The following ZNF101 variants were observed in gnomAD, a reference collection of about 807,000 sequenced individuals.
ZNF101 encodes zinc finger protein 101 (Y2).
In ZNF101, 34 loss-of-function variants were observed where a neutral mutation model predicts 42.6. The ratio of observed to expected loss-of-function variants is 0.80; its 90% CI spans 0.61 to 1.06. ZNF101 has a LOEUF of 1.06. Among genes scored for constraint, ZNF101 ranks in the 50% least tolerant of loss-of-function variants. The pLI, the probability that ZNF101 is intolerant of heterozygous loss-of-function variation, is 0.00. For missense variants in ZNF101, 466 were observed against 530.9 expected (o/e 0.88, Z 1.20); for synonymous variants, 158 against 183.9 (o/e 0.86, Z 1.14).
At chr19:19,677,805 G>A in intron 1 of ZNF101, 59 bp from the exon 2 acceptor site, 1 of 1,588,984 alleles carries the variant, frequency 6.3e-7, no homozygotes, top group Non-Finnish European at 8.6e-7. Context: ...CATGTATTGA[G>A]TAGAGATCCC....
chr19:19,671,817 C>T (rs1197576853), intron 1 of ZNF101, among the ~76,000 whole-genome samples: 2 of 151,936 alleles, frequency 1.3e-5, no homozygotes, highest in African/African-American at 2.4e-5. Context: ...TCAACGTATG[C>T]TTTTTACATC....
chr19:19,668,721 G>T, upstream of ZNF101: 1 of 485,380 alleles, frequency 2.1e-6, no homozygotes, highest in Non-Finnish European at 3.7e-6. Flanking sequence ...AGCCCCAGGG[G>T]CGGGACCTGG....
At chr19:19,679,123 A>T in intron 3 of ZNF101, 58 bp from the exon 4 acceptor site, 1 of 1,568,734 alleles carries the variant, frequency 6.4e-7, no homozygotes, top group Non-Finnish European at 8.6e-7. Flanking sequence ...AGACATGTCA[A>T]TTAGTAGAAA....
In ZNF101 at chr19:19,677,946, A is replaced by G. The variant is rs778086237; in HGVS notation, c.86A>G (p.Tyr29Cys). ...CTGAGTCCTTCCCAGAAGAATCTCT[A>G]CAGAGATGTGACGCTGGAAACCTTC... ...ALLSPSQKNL[Y>C]RDVTLETFRN... The change falls in exon 2 of 4, where the codon TAC (tyrosine) becomes TGC (cysteine). Residue 29 changes from tyrosine (Y) to cysteine (C), a missense_variant. Coordinates refer to ENST00000592502, the MANE Select transcript of ZNF101 (RefSeq NM_033204.4). 1.7e-5 allele frequency: 28 copies of G among 1,612,398 alleles called. 1 individual carries two copies. Among genetic ancestry groups the G allele is most frequent in the South Asian group, 1.6e-4 (15 of 91,060 alleles).
rs569973518 is a variant in ZNF101 at position 19,680,269 on chromosome 19, G to A, written c.1280G>A (p.Arg427Lys). Residue 427 changes from arginine (R) to lysine (K), a missense_variant, in exon 4 of 4, where the codon AGG becomes AAG. Coordinates refer to ENST00000592502, the MANE Select transcript of ZNF101 (RefSeq NM_033204.4). Reference protein sequence around the residue: ...LAGRSQCFGRRQGDHLSPGV With the variant: ...LAGRSQCFGRKQGDHLSPGV ...GGGCGTAGCCAGTGCTTTGGCAGGAGGCAGGGGGATCACCTGAGCCCAGGA... is the reference window on the plus strand; with the variant it reads ...GGGCGTAGCCAGTGCTTTGGCAGGAAGCAGGGGGATCACCTGAGCCCAGGA... 1 of 1,532,582 alleles carries A rather than the reference G, an allele frequency of 6.5e-7. No individual in the cohort carries two copies. Among genetic ancestry groups the A allele is most frequent in the South Asian group, 1.3e-5 (1 of 75,680 alleles). 94.9% of individuals were successfully genotyped at this position (1,532,582 alleles called of 1,614,324 possible).
chr19:19,673,678 C>T (rs1378951172), intron 1 of ZNF101, among the ~76,000 whole-genome samples: 10 of 140,046 alleles, frequency 7.1e-5, no homozygotes, highest in African/African-American at 1.1e-4. Context: ...AATTTCTAAG[C>T]GTTCAATTCT....
intron 1 of ZNF101, among the ~76,000 whole-genome samples, chr19:19,670,949 C>CA (rs1395314172): frequency 3.9e-5 from 6 of 152,000 alleles, no homozygotes; most frequent in Admixed American, 2.0e-4. Context: ...ACTAAAAATA[C>CA]AAAAAAATTA....
intron 1 of ZNF101, among the ~76,000 whole-genome samples, chr19:19,673,001 G>A (rs189481215): frequency 1.3e-5 from 2 of 151,970 alleles, no homozygotes; most frequent in East Asian, 3.9e-4. Context: ...CTGGAATGCA[G>A]TGGCACGGTC....
chr19:19,679,580 T>A lies in ZNF101; in HGVS notation c.591T>A (p.Tyr197Ter). The A allele has an allele frequency of 6.2e-7, 1 of 1,614,112 alleles. No individual in the cohort carries two copies. Among genetic ancestry groups the A allele is most frequent in the Non-Finnish European group, 8.5e-7 (1 of 1,180,022 alleles). ...GAACTCACACTGGAAAGAGGTCCTA[T>A]AAATGTAGGGAAATAGTGAGAGCCT... is the stretch of plus-strand genomic sequence containing the variant. Reference protein sequence around the residue: ...HQRTHTGKRSYKCREIVRAFT... With the variant: ...HQRTHTGKRS Residue 197 changes from tyrosine (Y) to a stop codon, truncating the protein, a stop_gained, in exon 4 of 4, where the codon TAT becomes TAA. Coordinates refer to ENST00000592502, the MANE Select transcript of ZNF101 (RefSeq NM_033204.4). LOFTEE classifies it high-confidence loss of function.
At chr19:19,673,248 C>CTTTTTTT (rs34694853) in intron 1 of ZNF101, among the ~76,000 whole-genome samples, 6 of 116,142 alleles carry the variant, frequency 5.2e-5, no homozygotes, top group Non-Finnish European at 5.2e-5. Flanking sequence ...AATGTGCTGG[C>CTTTTTTT]TTTTTTTTTT....
chr19:19,677,838 T>G, intron 1 of ZNF101, 26 bp from the exon 2 acceptor site: 1 of 1,606,044 alleles, frequency 6.2e-7, no homozygotes, highest in Non-Finnish European at 8.5e-7. Flanking sequence ...TCACCCCTCC[T>G]CCTCCACACC....
chr19:19,678,048 G>C, intron 2 of ZNF101, 58 bp downstream of exon 2: 1 of 1,583,716 alleles, frequency 6.3e-7, no homozygotes, highest in Middle Eastern at 1.7e-4. Context: ...TTGGTCACCA[G>C]TGTGGTTGCA....
intron 1 of ZNF101, among the ~76,000 whole-genome samples, chr19:19,673,547 C>T (rs2062183986): frequency 6.6e-6 from 1 of 151,860 alleles, no homozygotes; most frequent in Admixed American, 6.6e-5. Flanking sequence ...CGCACCTGGC[C>T]AAATAATGTA....
At chr19:19,668,770 C>T, upstream of ZNF101, 1 of 628,898 alleles carries the variant, frequency 1.6e-6, no homozygotes, top group Non-Finnish European at 2.6e-6. Flanking sequence ...GCAAACTGTC[C>T]AATCAGGTGC....
rs767975749 is a variant in ZNF101, at chr19:19,680,345, G to A, written c.*45G>A. The A allele has an allele frequency of 4.1e-5, 46 of 1,132,002 alleles. No individual in the cohort carries two copies. Among genetic ancestry groups the A allele is most frequent in the Admixed American group, 6.0e-5 (2 of 33,244 alleles). 70.1% of individuals were successfully genotyped at this position (1,132,002 alleles called of 1,614,324 possible). ...AGAAGGCCCCATATCGGCTGGGTAC[G>A]GTGGCTCACGCTTGTAATCCCAGCA... On this transcript the variant is annotated 3_prime_UTR_variant, in exon 4 of 4. Coordinates refer to ENST00000592502, the MANE Select transcript of ZNF101 (RefSeq NM_033204.4).
In ZNF101 at chr19:19,670,276, T is replaced by C. The variant is rs184204463; in HGVS notation, c.3+1310T>C. The stretch of plus-strand genomic sequence containing the variant: ...ACAGTAGAAAGAAACTTCTCCCTTC[T>C]GAGGCAGCTCAGGGTGGCATGCAGT... On this transcript the variant is annotated intron_variant, in intron 1 of 3. Coordinates refer to ENST00000592502, the MANE Select transcript of ZNF101 (RefSeq NM_033204.4). Among the ~76,000 whole-genome samples the C allele has an allele frequency of 1.1e-4, 16 of 152,310 alleles. No homozygotes were observed. In the East Asian group the frequency reaches 3.1e-3, roughly 29 times the overall value.
rs370789940 is a variant in ZNF101 at position 19,669,829 on chromosome 19, C to T, written c.3+863C>T. ...ATCTTTTCCAAGGAGCCCTAGATGGCACTTCTTAAAAAGTTCATTTTCCGT... is the reference window on the plus strand; with the variant it reads ...ATCTTTTCCAAGGAGCCCTAGATGGTACTTCTTAAAAAGTTCATTTTCCGT... On this transcript the variant is annotated intron_variant, in intron 1 of 3. Transcript: ENST00000592502. Among the ~76,000 whole-genome samples, 11 of 152,176 alleles carry T rather than the reference C, an allele frequency of 7.2e-5. No individual in the cohort carries two copies. In the East Asian group the frequency reaches 2.1e-3, roughly 29 times the overall value.
rs1340744040 is a variant in ZNF101 at position 19,680,343 on chromosome 19, A to G, written c.*43A>G. On this transcript the variant is annotated 3_prime_UTR_variant, in exon 4 of 4. Coordinates refer to ENST00000592502, the MANE Select transcript of ZNF101 (RefSeq NM_033204.4). ...TAAGAAGGCCCCATATCGGCTGGGTACGGTGGCTCACGCTTGTAATCCCAG... is the reference window on the plus strand; with the variant it reads ...TAAGAAGGCCCCATATCGGCTGGGTGCGGTGGCTCACGCTTGTAATCCCAG... 1 of 1,131,020 alleles carries G rather than the reference A, an allele frequency of 8.8e-7. No homozygotes were observed. The highest frequency in any genetic ancestry group is 1.2e-6 in the Non-Finnish European group (1 of 828,614). The allele number at this position is 1,131,020 out of a possible 1,614,324, so 70.1% of individuals were successfully genotyped here.
At chr19:19,669,171 C>T (rs1316922845) in intron 1 of ZNF101, among the ~76,000 whole-genome samples, 1 of 152,202 alleles carries the variant, frequency 6.6e-6, no homozygotes, top group Non-Finnish European at 1.5e-5. Flanking sequence ...CCCCGGAGCC[C>T]TCTCAGGGCA....
Sources: allele counts gnomAD v4.1 joint callset (sites outside exome capture counted in the v4.1 genomes callset), GRCh38; gene constraint gnomAD v4.1.1; transcripts MANE v1.5; gene names NCBI Gene and HGNC (gene_info 2026-07-23, HGNC 2026-07-21).